AKAP12: variants seen among roughly 807,000 people sequenced by gnomAD.
AKAP12 encodes A-kinase anchor protein 12.
A neutral mutation model predicts 79.9 loss-of-function variants in AKAP12; 32 were observed. That is an observed-to-expected ratio of 0.40 (90% CI 0.30 to 0.54). The LOEUF (loss-of-function observed/expected upper bound fraction) is 0.54, where lower values mean the gene tolerates loss of function less well. Among genes scored for constraint, AKAP12 ranks in the 20% least tolerant of loss-of-function variants. AKAP12 has a pLI of 0.48. For synonymous variants in AKAP12, 808 were observed against 857.0 expected (o/e 0.94, Z 1.00); for missense variants, 2,074 against 2,177.0 (o/e 0.95, Z 0.94).
Position 151,349,789 on chromosome 6 carries a change from C to A in AKAP12, c.1398C>A (p.Leu466=). ...EAEPAKELVK[L]KETCVSGEDP... The stretch of plus-strand genomic sequence containing the variant: ...AACCTGCCAAGGAGCTGGTGAAGCT[C>A]AAAGAAACGTGTGTTTCCGGAGAGG... The change falls in exon 4 of 5, where the codon CTC becomes CTA. Residue 466 remains leucine (L), a synonymous_variant. Coordinates refer to ENST00000402676, the MANE Select transcript of AKAP12 (RefSeq NM_005100.4). The A allele has an allele frequency of 6.2e-7, 1 of 1,614,016 alleles. No homozygotes were observed. The highest frequency in any genetic ancestry group is 8.5e-7 in the Non-Finnish European group (1 of 1,179,986).
chr6:151,253,499 T>C (rs767436861), intron 2 of AKAP12, among the ~76,000 whole-genome samples: 7 of 151,966 alleles, frequency 4.6e-5, no homozygotes, highest in Non-Finnish European at 1.0e-4. Context: ...AAATTAAAAT[T>C]ACAGGCATGA....
chr6:151,276,218 TA>T (rs145765726), intron 2 of AKAP12, among the ~76,000 whole-genome samples: 4,530 of 151,720 alleles, frequency 0.03, 221 homozygotes, highest in African/African-American at 0.1. Flanking sequence ...GAACACCCTT[TA>T]AAAAAAAATC....
At chr6:151,324,029 T>C (rs929242332) in intron 3 of AKAP12, 1 of 985,376 alleles carries the variant, frequency 1.0e-6, no homozygotes, top group Non-Finnish European at 1.2e-6. Context: ...GGGGCTGGGA[T>C]TGGGAGGAGA....
intron 2 of AKAP12, among the ~76,000 whole-genome samples, chr6:151,261,336 A>G (rs1346165869): frequency 6.6e-6 from 1 of 151,926 alleles, no homozygotes; most frequent in African/African-American, 2.4e-5. Context: ...GTGCCACTGC[A>G]CTACAGCCTG....
chr6:151,270,500 T>G (rs1172706126), intron 2 of AKAP12, among the ~76,000 whole-genome samples: 1 of 152,250 alleles, frequency 6.6e-6, no homozygotes, highest in African/African-American at 2.4e-5. Flanking sequence ...AACACTAATG[T>G]ACAATTCTTT....
intron 2 of AKAP12, among the ~76,000 whole-genome samples, chr6:151,241,078 G>A (rs1308656913): frequency 6.6e-6 from 1 of 152,214 alleles, no homozygotes; most frequent in African/African-American, 2.4e-5. Flanking sequence ...CTGCGCGGAG[G>A]GGGATCCGTG....
rs572484050 is a variant in AKAP12 at position 151,312,955 on chromosome 6, A to G, written c.319+7052A>G. ...GGAACAGAGGTAGCGCTCAGCAAATATATGAATAAATGAAGACACAGTTTT... is the reference window on the plus strand; with the variant it reads ...GGAACAGAGGTAGCGCTCAGCAAATGTATGAATAAATGAAGACACAGTTTT... On this transcript the variant is annotated intron_variant, in intron 3 of 4. Coordinates refer to ENST00000402676, the MANE Select transcript of AKAP12 (RefSeq NM_005100.4). 5.3e-5 allele frequency among the ~76,000 whole-genome samples: 8 copies of G among 152,270 alleles called. No individual in the cohort carries two copies. In the South Asian group the frequency reaches 1.2e-3, roughly 24 times the overall value.
chr6:151,355,703 C>T (rs1228849172), intron 4 of AKAP12, 24 bp from the exon 5 acceptor site: 12 of 152,568 alleles, frequency 7.9e-5, no homozygotes, highest in African/African-American at 2.2e-4. Context: ...ATTTTATTTA[C>T]GCTGATTCTT....
At chr6:151,305,948 C>A in intron 3 of AKAP12, 45 bp downstream of exon 3, 1 of 1,555,950 alleles carries the variant, frequency 6.4e-7, no homozygotes, top group Non-Finnish European at 8.7e-7. Context: ...GCACTTGCAA[C>A]AAACTTTGGA....
chr6:151,273,108 C>T (rs938976369), intron 2 of AKAP12, among the ~76,000 whole-genome samples: 36 of 152,150 alleles, frequency 2.4e-4, no homozygotes, highest in African/African-American at 7.7e-4. Context: ...GGGGTTTCAC[C>T]GTGGTAGCCA....
chr6:151,243,305 C>T (rs1295559532), intron 2 of AKAP12, among the ~76,000 whole-genome samples: 1 of 152,168 alleles, frequency 6.6e-6, no homozygotes, highest in Non-Finnish European at 1.5e-5. Flanking sequence ...AGAATGTGGT[C>T]ATTAATTAAA....
intron 3 of AKAP12, among the ~76,000 whole-genome samples, chr6:151,328,678 A>G (rs1777596503): frequency 6.6e-6 from 1 of 152,148 alleles, no homozygotes; most frequent in South Asian, 2.1e-4. Flanking sequence ...AGGTTTAATG[A>G]AATCTTAAAG....
intron 2 of AKAP12, among the ~76,000 whole-genome samples, chr6:151,298,221 C>T (rs1776780326): frequency 1.3e-5 from 2 of 152,108 alleles, no homozygotes; most frequent in South Asian, 4.1e-4. Flanking sequence ...ACCACCTTTA[C>T]CCGCTTTGTC....
intron 2 of AKAP12, among the ~76,000 whole-genome samples, chr6:151,282,661 A>G (rs1347037855): frequency 1.3e-5 from 2 of 152,150 alleles, no homozygotes; most frequent in South Asian, 2.1e-4. Context: ...GGCTCTCCGC[A>G]GTGAGGGGCT....
At position 151,284,069 on chromosome 6, in the gene AKAP12, G is replaced by T. The variant is rs541193022; in HGVS notation, c.163-21678G>T. 1.4e-4 allele frequency among the ~76,000 whole-genome samples: 22 copies of T among 152,288 alleles called. No individual in the cohort carries two copies. The South Asian group carries it at 4.6e-3, about 32-fold the overall frequency. ...GAGCAAGTCTTAAGCGTATAGCTTGGTGAGTTCTTACAAGGTGAACGCACG... is the reference window on the plus strand; with the variant it reads ...GAGCAAGTCTTAAGCGTATAGCTTGTTGAGTTCTTACAAGGTGAACGCACG... On this transcript the variant is annotated intron_variant, in intron 2 of 4. Coordinates refer to ENST00000402676, the MANE Select transcript of AKAP12 (RefSeq NM_005100.4).
chr6:151,346,837 C>G (rs1406817517), intron 3 of AKAP12, among the ~76,000 whole-genome samples: 4 of 152,170 alleles, frequency 2.6e-5, no homozygotes, highest in Non-Finnish European at 5.9e-5. Flanking sequence ...ATCTAAAATT[C>G]TAACAATAAT....
intron 2 of AKAP12, among the ~76,000 whole-genome samples, chr6:151,250,611 C>CT (rs1270876740): frequency 0.016 from 2,349 of 146,784 alleles, 34 homozygotes; most frequent in Non-Finnish European, 0.023. Flanking sequence ...CAGATATTTT[C>CT]CTTTTTTTTT....
At chr6:151,263,721 G>A (rs763257743) in intron 2 of AKAP12, among the ~76,000 whole-genome samples, 1 of 152,148 alleles carries the variant, frequency 6.6e-6, no homozygotes, top group Non-Finnish European at 1.5e-5. Context: ...TGTGATTACA[G>A]GCATCCGCAC....
rs778687869 is a variant in AKAP12 at position 151,349,853 on chromosome 6, G to T, written c.1462G>T (p.Val488Leu). 2 of 1,614,180 alleles carry T rather than the reference G, an allele frequency of 1.2e-6. No homozygotes were observed. Among genetic ancestry groups the T allele is most frequent in the East Asian group, 2.2e-5 (1 of 44,872 alleles). ...AGCTGACCTCAGTCCTGATGAGAAGGTGCTGTCCAAACCCCCCGAAGGCGT... is the reference window on the plus strand; with the variant it reads ...AGCTGACCTCAGTCCTGATGAGAAGTTGCTGTCCAAACCCCCCGAAGGCGT... Reference protein sequence around the residue: ...QGADLSPDEKVLSKPPEGVVS... With the variant: ...QGADLSPDEKLLSKPPEGVVS... Residue 488 changes from valine (V) to leucine (L), a missense_variant, in exon 4 of 5, where the codon GTG becomes TTG. Val to Leu is a conservative substitution (Grantham distance 32). Around this residue, in one of 3 missense-constraint regions of AKAP12, gnomAD observed 1,428 missense variants for 1,451.0 expected, o/e 0.98. Coordinates refer to ENST00000402676, the MANE Select transcript of AKAP12 (RefSeq NM_005100.4).
Sources: allele counts gnomAD v4.1 joint callset (sites outside exome capture counted in the v4.1 genomes callset), GRCh38; gene constraint gnomAD v4.1.1; regional missense constraint gnomAD v4.1.1; transcripts MANE v1.5; gene names NCBI Gene and HGNC (gene_info 2026-07-23, HGNC 2026-07-21).